CHSY3: variants seen among roughly 807,000 people sequenced by gnomAD.
The protein encoded by CHSY3 is chondroitin sulfate synthase 3.
A neutral mutation model predicts 67.2 loss-of-function variants in CHSY3; 35 were observed. That is an observed-to-expected ratio of 0.52 (90% confidence interval 0.40 to 0.69). The LOEUF (loss-of-function observed/expected upper bound fraction) is 0.69, where lower values mean the gene tolerates loss of function less well. Ranked by LOEUF, CHSY3 falls within the 30% of genes least tolerant of loss-of-function variation. CHSY3 has a pLI of 0.00. For synonymous variants in CHSY3, 474 were observed against 434.7 expected, an observed-to-expected ratio of 1.09 and a Z score of -1.12; for missense variants, 1,069 against 1,138.5, an observed-to-expected ratio of 0.94 and a Z score of 0.88.
At chr5:130,065,842 TC>T (rs1765866260) in intron 2 of CHSY3, among the ~76,000 whole-genome samples, 1 of 152,120 alleles carries the variant, frequency 6.6e-6, no homozygotes, top group Admixed American at 6.6e-5. Flanking sequence ...AACTGAAATG[TC>T]TGGTTCACAC....
intron 2 of CHSY3, among the ~76,000 whole-genome samples, chr5:130,143,838 A>ATATATATC (rs1768990800): frequency 1.5e-5 from 2 of 134,386 alleles, no homozygotes; most frequent in African/African-American, 5.6e-5. Flanking sequence ...ATATATATAT[A>ATATATATC]TATATATATG....
intron 2 of CHSY3, among the ~76,000 whole-genome samples, chr5:129,996,887 A>C (rs982356682): frequency 5.3e-5 from 8 of 152,194 alleles, no homozygotes; most frequent in Non-Finnish European, 7.3e-5. Context: ...TCTTAATAAA[A>C]GAAGATATAT....
intron 2 of CHSY3, among the ~76,000 whole-genome samples, chr5:130,028,255 A>G (rs1764607407): frequency 6.6e-6 from 1 of 152,154 alleles, no homozygotes; most frequent in African/African-American, 2.4e-5. Flanking sequence ...ACACTACCTG[A>G]CTTCAAACTA....
chr5:130,074,643 A>T (rs1396680883), intron 2 of CHSY3, among the ~76,000 whole-genome samples: 1 of 152,182 alleles, frequency 6.6e-6, no homozygotes, highest in Non-Finnish European at 1.5e-5. Flanking sequence ...TTGGTTCTGA[A>T]AATAGGGGAC....
In CHSY3 at chr5:129,908,425, G is replaced by C. The variant is rs567322855; in HGVS notation, c.1086+65G>C. ...TATACATGCCATTTTATAATCTAGG[G>C]CAGCGATTCTATTCATTCTCTCTGT... is the stretch of plus-strand genomic sequence containing the variant. On this transcript the variant is annotated intron_variant, in intron 2 of 2. Transcript: ENST00000305031. The C allele has an allele frequency of 3.8e-6, 6 of 1,566,212 alleles. No individual in the cohort carries two copies. In the South Asian group the frequency reaches 6.0e-5, roughly 16 times the overall value.
At chr5:130,072,422 T>C (rs1010133014) in intron 2 of CHSY3, among the ~76,000 whole-genome samples, 1 of 152,160 alleles carries the variant, frequency 6.6e-6, no homozygotes, top group Non-Finnish European at 1.5e-5. Flanking sequence ...AGACTGTCCT[T>C]TCCCCATGTG....
At chr5:129,974,365 G>T (rs2149616237) in intron 2 of CHSY3, among the ~76,000 whole-genome samples, 1 of 152,152 alleles carries the variant, frequency 6.6e-6, no homozygotes, top group Non-Finnish European at 1.5e-5. Flanking sequence ...CCTTTAATAT[G>T]AGTTAGACCA....
rs555682040 is a variant in CHSY3 at position 130,073,270 on chromosome 5, T to C, written c.1087-110959T>C. 8.4e-4 allele frequency among the ~76,000 whole-genome samples: 127 copies of C among 152,004 alleles called. 2 individuals carry two copies. Among genetic ancestry groups the C allele is most frequent in the Middle Eastern group, 3.4e-3 (1 of 294 alleles). ...ATATTATACCCCATAAATATACACA[T>C]TTTTGTTCAATTAAAAATAAACTTT... On this transcript the variant is annotated intron_variant, in intron 2 of 2. Coordinates refer to ENST00000305031, the MANE Select transcript of CHSY3 (RefSeq NM_175856.5).
chr5:130,154,205 C>T (rs903202795), intron 2 of CHSY3, among the ~76,000 whole-genome samples: 1 of 152,230 alleles, frequency 6.6e-6, no homozygotes, highest in Non-Finnish European at 1.5e-5. Context: ...GCATGAGCCA[C>T]CGCGTCTGGC....
chr5:130,085,716 G>T (rs1766594355), intron 2 of CHSY3, among the ~76,000 whole-genome samples: 1 of 151,878 alleles, frequency 6.6e-6, no homozygotes, highest in African/African-American at 2.4e-5. Context: ...TGTCAATTTT[G>T]GATCTTTGCT....
At chr5:129,980,842 C>T (rs1762959317) in intron 2 of CHSY3, among the ~76,000 whole-genome samples, 1 of 152,032 alleles carries the variant, frequency 6.6e-6, no homozygotes, top group African/African-American at 2.4e-5. Context: ...ATGTGGATGT[C>T]CAGTTTTCTA....
intron 2 of CHSY3, among the ~76,000 whole-genome samples, chr5:130,053,491 G>A (rs897061641): frequency 8.5e-5 from 13 of 152,096 alleles, no homozygotes; most frequent in African/African-American, 2.7e-4. Flanking sequence ...TCATGTTTCT[G>A]ATTCTCAAAT....
chr5:130,005,279 G>A (rs574445881), intron 2 of CHSY3, among the ~76,000 whole-genome samples: 2 of 152,080 alleles, frequency 1.3e-5, no homozygotes, highest in Non-Finnish European at 2.9e-5. Flanking sequence ...GCTGGGCATG[G>A]TGGCATGAGC....
intron 2 of CHSY3, among the ~76,000 whole-genome samples, chr5:129,984,679 C>G (rs1187745745): frequency 6.6e-6 from 1 of 152,120 alleles, no homozygotes; most frequent in South Asian, 2.1e-4. Context: ...ATCTTGTCAG[C>G]ATATGTTATT....
At chr5:130,148,031 G>A (rs1437318797) in intron 2 of CHSY3, among the ~76,000 whole-genome samples, 1 of 151,968 alleles carries the variant, frequency 6.6e-6, no homozygotes, top group South Asian at 2.1e-4. Context: ...GAAGGGTGCT[G>A]TTTCCCTTTA....
chr5:129,981,425 A>G (rs943487184), intron 2 of CHSY3, among the ~76,000 whole-genome samples: 1 of 151,914 alleles, frequency 6.6e-6, no homozygotes, highest in African/African-American at 2.4e-5. Flanking sequence ...TTTTTTCAGT[A>G]TTTTTGGACT....
intron 2 of CHSY3, among the ~76,000 whole-genome samples, chr5:130,082,811 G>A (rs1444309031): frequency 1.3e-5 from 2 of 151,690 alleles, no homozygotes; most frequent in East Asian, 2.0e-4. Context: ...ACTTGTACAC[G>A]CTTAAGTGAC....
intron 2 of CHSY3, among the ~76,000 whole-genome samples, chr5:130,095,307 C>A (rs1369125258): frequency 6.6e-6 from 1 of 152,058 alleles, no homozygotes; most frequent in African/African-American, 2.4e-5. Flanking sequence ...TACTCGGGGT[C>A]CTTGGAGAAC....
chr5:130,182,723 G>T (rs1218115580), intron 2 of CHSY3, among the ~76,000 whole-genome samples: 1 of 151,660 alleles, frequency 6.6e-6, no homozygotes, highest in Non-Finnish European at 1.5e-5. Context: ...TACTGATCTG[G>T]CACTAATTAC....
Sources: allele counts gnomAD v4.1 joint callset (sites outside exome capture counted in the v4.1 genomes callset), GRCh38; gene constraint gnomAD v4.1.1; transcripts MANE v1.5; gene names NCBI Gene and HGNC (gene_info 2026-07-23, HGNC 2026-07-21).